Variants in ZNF19 observed in about 807,000 individuals in gnomAD.
ZNF19 encodes zinc finger protein 19.
Under a neutral mutation model 13.1 loss-of-function variants are expected in ZNF19, and 11 were observed. The observed-to-expected ratio is 0.84, with a 90% CI of 0.53 to 1.39. The LOEUF (loss-of-function observed/expected upper bound fraction) is 1.39. ZNF19 is among the 40% of genes most tolerant of loss of function. ZNF19 has a pLI of 0.00. For synonymous variants in ZNF19, 186 were observed against 187.0 expected (o/e 0.99, Z 0.04); for missense variants, 560 against 547.0 (o/e 1.02, Z -0.24).
chr16:71,481,102 A>C (rs1229737844), intron 3 of ZNF19, among the ~76,000 whole-genome samples: 1 of 152,244 alleles, frequency 6.6e-6, no homozygotes, highest in Non-Finnish European at 1.5e-5. Flanking sequence ...TCTCTCTGGA[A>C]ATGGTATCAG....
chr16:71,486,793 C>G (rs2043681583), intron 1 of ZNF19, among the ~76,000 whole-genome samples: 1 of 152,156 alleles, frequency 6.6e-6, no homozygotes, highest in African/African-American at 2.4e-5. Context: ...TGGATATTTA[C>G]ATTACATAAA....
intron 1 of ZNF19, chr16:71,487,433 A>C (rs982517697): frequency 6.5e-6 from 1 of 152,980 alleles, no homozygotes; most frequent in African/African-American, 2.4e-5. Flanking sequence ...TAGCCAATTA[A>C]ACCTCTTTTC....
Position 71,474,853 on chromosome 16 carries a change from A to T in ZNF19, c.*317T>A. On this transcript the variant is annotated 3_prime_UTR_variant, in exon 6 of 6. Transcript: ENST00000288177. ...AGGCATGGTGTATGTGGCTGTTCAA[A>T]CATTATCTTCAGTCTTTTACTGCTC... The T allele has an allele frequency of 7.2e-6, 2 of 277,564 alleles. No homozygotes were observed. The highest frequency in any genetic ancestry group is 6.7e-6 in the Non-Finnish European group (1 of 148,268). The allele number at this position is 277,564 out of a possible 1,614,324, so 17.2% of individuals were successfully genotyped here. A position where few individuals can be genotyped will look rare whatever the true frequency, so the allele number is the denominator to read the frequency against.
intron 1 of ZNF19, among the ~76,000 whole-genome samples, chr16:71,485,450 CA>C (rs143351394): frequency 0.21 from 16,094 of 77,844 alleles, 913 homozygotes; most frequent in Non-Finnish European, 0.23. Context: ...AACTCCATCT[CA>C]AAAAAAAAAA....
Position 71,475,558 on chromosome 16 carries a change from G to A in ZNF19, c.989C>T (p.Ser330Phe). 1 of 1,613,908 alleles carries A rather than the reference G, an allele frequency of 6.2e-7. No homozygotes were observed. Residue 330 changes from serine (S) to phenylalanine (F), a missense_variant, in exon 6 of 6, where the codon TCT becomes TTT. Physicochemically the swap from Ser to Phe is radical, Grantham distance 155. Coordinates refer to ENST00000288177, the MANE Select transcript of ZNF19 (RefSeq NM_006961.4). ...GAAGGCTTGTCCACATACTTTACAA[G>A]AATAAGGCTTTTCCCCTGTGTGAAT... ...QRIHTGEKPY[S>F]CKVCGQAFNF...
At chr16:71,485,048 G>GT (rs754989542) in intron 1 of ZNF19, among the ~76,000 whole-genome samples, 30 of 152,096 alleles carry the variant, frequency 2.0e-4, no homozygotes, top group Admixed American at 5.9e-4. Flanking sequence ...CTAAAAAACT[G>GT]TTTAATTGTA....
chr16:71,489,181 T>G (rs944738265), intron 1 of ZNF19, 91 bp downstream of exon 1: 3 of 930,572 alleles, frequency 3.2e-6, no homozygotes, highest in South Asian at 9.9e-5. Context: ...TCCCCTTCTT[T>G]GAGCTGCGCT....
Position 71,475,848 on chromosome 16 carries a change from G to C in ZNF19, c.699C>G (p.Ile233Met). 6.2e-7 allele frequency: 1 copy of C among 1,613,578 alleles called. No individual in the cohort carries two copies. The highest frequency in any genetic ancestry group is 1.1e-5 in the South Asian group (1 of 91,046). ...GRAFNDNANL[I>M]RHQRIHSGDR... ...CCCCACTGTGGATTCTCTGATGCCT[G>C]ATCAGATTTGCATTATCATTAAAGG... The change falls in exon 6 of 6, where the codon ATC (isoleucine) becomes ATG (methionine). Residue 233 changes from isoleucine (I) to methionine (M), a missense_variant. By Grantham distance (10) the Ile-to-Met change is conservative. Transcript: ENST00000288177.
intron 4 of ZNF19, 69 bp from the exon 5 acceptor site, chr16:71,478,410 G>A: frequency 8.8e-7 from 1 of 1,141,630 alleles, no homozygotes; most frequent in Non-Finnish European, 1.3e-6. Flanking sequence ...AAAACCCCAG[G>A]AGTCTCAGTA....
intron 3 of ZNF19, among the ~76,000 whole-genome samples, chr16:71,481,372 G>A (rs578200701): frequency 5.3e-5 from 8 of 152,300 alleles, no homozygotes; most frequent in Middle Eastern, 3.4e-3. Flanking sequence ...CAGCAACTCC[G>A]TCTCAAAAAG....
intron 1 of ZNF19, among the ~76,000 whole-genome samples, chr16:71,487,718 T>C (rs571922460): frequency 1.1e-4 from 16 of 152,150 alleles, no homozygotes; most frequent in Non-Finnish European, 2.4e-4. Flanking sequence ...TCATGGCATA[T>C]TTACTGTTAC....
intron 5 of ZNF19, among the ~76,000 whole-genome samples, chr16:71,476,670 C>G (rs949505969): frequency 6.6e-6 from 1 of 152,174 alleles, no homozygotes; most frequent in Non-Finnish European, 1.5e-5. Context: ...AGAACAGTAT[C>G]AGAAAGCAAA....
At chr16:71,478,178 A>G (rs1423979630) in intron 5 of ZNF19, 50 bp downstream of exon 5, 2 of 1,220,252 alleles carry the variant, frequency 1.6e-6, no homozygotes, top group South Asian at 1.3e-5. Flanking sequence ...TTTAAAATAC[A>G]GTGCTCCATA....
intron 5 of ZNF19, among the ~76,000 whole-genome samples, chr16:71,477,217 G>A (rs1597013389): frequency 1.3e-5 from 2 of 152,204 alleles, no homozygotes; most frequent in East Asian, 1.9e-4. Context: ...AGGGAACTCC[G>A]AAGGAGAATG....
intron 5 of ZNF19, chr16:71,478,017 C>T (rs1567569755): frequency 3.9e-6 from 2 of 507,286 alleles, no homozygotes; most frequent in East Asian, 3.4e-5. Context: ...AATGTTGAAA[C>T]TCAGAAAGGA....
At chr16:71,478,122 A>G in intron 5 of ZNF19, 106 bp downstream of exon 5, 1 of 720,012 alleles carries the variant, frequency 1.4e-6, no homozygotes, top group South Asian at 1.8e-5. Context: ...TTTACCTATT[A>G]GGTGAAATCA....
intron 2 of ZNF19, 122 bp downstream of exon 2, chr16:71,484,467 G>A (rs971982941): frequency 6.2e-6 from 6 of 973,892 alleles, no homozygotes; most frequent in Non-Finnish European, 7.3e-6. Flanking sequence ...CCGCTCCCCG[G>A]TCCCGGAGGG....
Position 71,484,581 on chromosome 16 carries a change from A to C in ZNF19, c.-30+8T>G. 2.0e-6 allele frequency: 2 copies of C among 985,438 alleles called. No homozygotes were observed. Among genetic ancestry groups the C allele is most frequent in the Non-Finnish European group, 2.4e-6 (2 of 829,966 alleles). The allele number at this position is 985,438 out of a possible 1,614,324, so 61.0% of individuals were successfully genotyped here. ...AAGGACTCCTAGGCGACAAACCCCA[A>C]CACTCACCTCAGGAAAAACAGAAAG... is the stretch of plus-strand genomic sequence containing the variant. On this transcript the variant is annotated splice_region_variant and intron_variant, in intron 2 of 5. Transcript: ENST00000288177.
At chr16:71,476,935 A>T (rs2043606207) in intron 5 of ZNF19, among the ~76,000 whole-genome samples, 1 of 152,218 alleles carries the variant, frequency 6.6e-6, no homozygotes, top group Non-Finnish European at 1.5e-5. Context: ...CATGCAGAGA[A>T]ACTACTGTCC....
Sources: gnomAD v4.1 joint callset for allele counts (sites outside exome capture counted in the v4.1 genomes callset) on GRCh38, gnomAD v4.1.1 for gene constraint, MANE v1.5 for transcripts, NCBI Gene and HGNC (gene_info 2026-07-23, HGNC 2026-07-21) for gene names.